NCOA3: variants seen among roughly 807,000 people sequenced by gnomAD.
NCOA3 encodes the protein nuclear receptor coactivator 3.
NCOA3 carries 51 observed loss-of-function variants against 158.8 expected under a neutral mutation model. The ratio of observed to expected loss-of-function variants is 0.32; its 90% CI spans 0.26 to 0.41. The LOEUF (loss-of-function observed/expected upper bound fraction) is 0.41. NCOA3 is among the 10% of genes least tolerant of loss of function. NCOA3 has a pLI of 1.00. For missense variants in NCOA3, 1,510 were observed against 1,746.6 expected (o/e 0.86, Z 2.41); for synonymous variants, 537 against 592.4 (o/e 0.91, Z 1.36).
intron 1 of NCOA3, among the ~76,000 whole-genome samples, chr20:47,510,341 G>T (rs977884810): frequency 6.9e-6 from 1 of 144,712 alleles, no homozygotes; most frequent in Non-Finnish European, 1.5e-5. Context: ...GCTGAGGCAG[G>T]AGAATCGTTT....
At chr20:47,504,481 T>C (rs2083992815) in intron 1 of NCOA3, among the ~76,000 whole-genome samples, 1 of 120,308 alleles carries the variant, frequency 8.3e-6, no homozygotes, top group East Asian at 2.1e-4. Flanking sequence ...AGTGTGTCTT[T>C]TTTTTTTTTT....
rs560000219 is a variant in NCOA3, at chr20:47,642,245, T to C, written c.3113T>C (p.Val1038Ala). The C allele has an allele frequency of 1.1e-5, 17 of 1,606,420 alleles. No homozygotes were observed. In the African/African-American group the frequency reaches 2.3e-4, roughly 22 times the overall value. Residue 1038 changes from valine to alanine, a missense_variant, in exon 17 of 23, where the codon GTT becomes GCT. Transcript: ENST00000371998. ...CTTAGGAATTCCCTGGATGATCTTG[T>C]TGGGCCACCTTCCAACCTGGAAGGC... ...PLLRNSLDDLVGPPSNLEGQS... is the reference protein window; with the variant it reads ...PLLRNSLDDLAGPPSNLEGQS...
chr20:47,555,632 GTTTTTTT>G (rs74178745), intron 1 of NCOA3, among the ~76,000 whole-genome samples: 6 of 64,154 alleles, frequency 9.4e-5, no homozygotes, highest in Admixed American at 9.0e-4. Context: ...CTATTAAAGT[GTTTTTTT>G]TTTTTTTTTT....
chr20:47,627,199 C>A, intron 6 of NCOA3, 23 bp downstream of exon 6: 1 of 1,531,578 alleles, frequency 6.5e-7, no homozygotes. Context: ...TGTGTATTTT[C>A]TAAATAGGTT....
intron 1 of NCOA3, among the ~76,000 whole-genome samples, chr20:47,575,331 T>TATAC (rs2085355494): frequency 6.6e-6 from 1 of 152,218 alleles, no homozygotes; most frequent in Non-Finnish European, 1.5e-5. Flanking sequence ...TATACGTATA[T>TATAC]GTAAAGCTTT....
chr20:47,506,817 A>G (rs1160163688), intron 1 of NCOA3, among the ~76,000 whole-genome samples: 2 of 152,092 alleles, frequency 1.3e-5, no homozygotes, highest in African/African-American at 4.8e-5. Flanking sequence ...GTTCTAGGAA[A>G]GGGTGTGACA....
intron 1 of NCOA3, among the ~76,000 whole-genome samples, chr20:47,537,505 A>G (rs2084654551): frequency 6.6e-6 from 1 of 151,956 alleles, no homozygotes; most frequent in South Asian, 2.1e-4. Context: ...ATATTCTGCT[A>G]GGAAAGAAAA....
At chr20:47,633,694 GCTATCT>G in intron 9 of NCOA3, 58 bp downstream of exon 9, 1 of 1,558,286 alleles carries the variant, frequency 6.4e-7, no homozygotes. Flanking sequence ...ACAGGGCCTT[GCTATCT>G]TGCCCAGGCT....
intron 3 of NCOA3, among the ~76,000 whole-genome samples, 171 bp downstream of exon 3, chr20:47,622,501 T>G (rs2086258065): frequency 6.6e-6 from 1 of 152,204 alleles, no homozygotes; most frequent in Admixed American, 6.5e-5. Context: ...AATAGAAGTT[T>G]TTTTTTTATT....
intron 1 of NCOA3, among the ~76,000 whole-genome samples, chr20:47,530,629 A>G (rs2084529955): frequency 6.6e-6 from 1 of 151,864 alleles, no homozygotes; most frequent in Admixed American, 6.6e-5. Flanking sequence ...TGCCTGGCGA[A>G]TTTTTGTATT....
intron 1 of NCOA3, among the ~76,000 whole-genome samples, chr20:47,545,605 A>G (rs891520903): frequency 2.7e-5 from 4 of 148,300 alleles, no homozygotes; most frequent in Non-Finnish European, 6.0e-5. Context: ...TTTTCTCAAT[A>G]TCATGAAGGT....
chr20:47,529,690 C>T (rs561367239), intron 1 of NCOA3, among the ~76,000 whole-genome samples: 7 of 152,354 alleles, frequency 4.6e-5, no homozygotes, highest in South Asian at 4.1e-4. Flanking sequence ...TGATTACAGG[C>T]GTGAGCCACT....
chr20:47,511,550 T>TATCTATATATATACACACACACATACAC (rs2084134967), intron 1 of NCOA3, among the ~76,000 whole-genome samples: 1 of 52,270 alleles, frequency 1.9e-5, no homozygotes, highest in African/African-American at 5.4e-5. Context: ...TATATATATA[T>TATCTATATATATACACACACACATACAC]ATATATTTCT....
At chr20:47,579,724 A>G (rs1183679169) in intron 1 of NCOA3, among the ~76,000 whole-genome samples, 1 of 152,144 alleles carries the variant, frequency 6.6e-6, no homozygotes, top group Non-Finnish European at 1.5e-5. Flanking sequence ...TCTTTGTGTT[A>G]CTGAACTGAA....
intron 1 of NCOA3, among the ~76,000 whole-genome samples, chr20:47,516,919 T>TA (rs3092586): frequency 0.015 from 1,905 of 126,292 alleles, 14 homozygotes; most frequent in Middle Eastern, 0.029. Flanking sequence ...GACCCTGTCT[T>TA]AAAAAAAAAA....
At chr20:47,522,190 C>T (rs1293171717) in intron 1 of NCOA3, among the ~76,000 whole-genome samples, 1 of 148,690 alleles carries the variant, frequency 6.7e-6, no homozygotes, top group East Asian at 2.0e-4. Flanking sequence ...GCAAGCTCCG[C>T]CTCACTGGTT....
chr20:47,560,100 G>A (rs2085073293), intron 1 of NCOA3, among the ~76,000 whole-genome samples: 1 of 151,956 alleles, frequency 6.6e-6, no homozygotes, highest in South Asian at 2.1e-4. Context: ...TTTTTTTTTG[G>A]AGACAGTTTC....
chr20:47,559,404 G>A (rs188039080), intron 1 of NCOA3, among the ~76,000 whole-genome samples: 20 of 152,214 alleles, frequency 1.3e-4, no homozygotes, highest in Admixed American at 1.0e-3. Context: ...GGGGAGGGAG[G>A]TGGTGGCTAG....
At chr20:47,622,421 T>G (rs1231384719) in intron 3 of NCOA3, 91 bp downstream of exon 3, 1 of 876,142 alleles carries the variant, frequency 1.1e-6, no homozygotes, top group Non-Finnish European at 1.7e-6. Context: ...CATTCTCTGG[T>G]TAGATTTTTT....
Sources: allele counts gnomAD v4.1 joint callset (sites outside exome capture counted in the v4.1 genomes callset), GRCh38; gene constraint gnomAD v4.1.1; transcripts MANE v1.5; gene names NCBI Gene and HGNC (gene_info 2026-07-23, HGNC 2026-07-21).